Variants in MTAP observed in about 807,000 individuals in gnomAD.
The protein encoded by MTAP is S-methyl-5'-thioadenosine phosphorylase.
Under a neutral mutation model 33.6 loss-of-function variants are expected in MTAP, and 33 were observed. The ratio of observed to expected loss-of-function variants is 0.98; its 90% CI spans 0.74 to 1.31. MTAP has a LOEUF of 1.31. Among genes scored for constraint, MTAP ranks in the 40% most tolerant of loss-of-function variants. The pLI, the probability that MTAP is intolerant of heterozygous loss-of-function variation, is 0.00. For synonymous variants in MTAP, 148 were observed against 125.7 expected, an observed-to-expected ratio of 1.18 and a Z score of -1.19; for missense variants, 367 against 360.0, an observed-to-expected ratio of 1.02 and a Z score of -0.16.
chr9:21,849,067 A>T (rs62556497), intron 5 of MTAP, among the ~76,000 whole-genome samples: 38,419 of 149,084 alleles, frequency 0.26, 5,266 homozygotes, highest in East Asian at 0.42. Flanking sequence ...GGTCAAATGG[A>T]CAAAAAACTA....
At chr9:21,854,515 T>G in intron 5 of MTAP, 116 bp from the exon 6 acceptor site, 1 of 1,384,266 alleles carries the variant, frequency 7.2e-7, no homozygotes. Flanking sequence ...TAGTAGGCAT[T>G]TATTATAGTG....
At chr9:21,878,893 A>G (rs1043828080) in intron 1 of MTAP, among the ~76,000 whole-genome samples, 11 of 152,152 alleles carry the variant, frequency 7.2e-5, no homozygotes, top group Non-Finnish European at 1.5e-4. Context: ...CTTGACTTAT[A>G]TTTTTATTGC....
intron 1 of MTAP, among the ~76,000 whole-genome samples, chr9:21,913,964 G>A (rs1818630479): frequency 6.6e-6 from 1 of 152,074 alleles, no homozygotes; most frequent in Non-Finnish European, 1.5e-5. Flanking sequence ...TCAAAAAGTG[G>A]GCAAAGGATA....
chr9:21,878,986 A>G (rs768626360), intron 1 of MTAP, among the ~76,000 whole-genome samples: 1 of 152,174 alleles, frequency 6.6e-6, no homozygotes, highest in Non-Finnish European at 1.5e-5. Context: ...TATGTGGTCA[A>G]TTTTAGAGTA....
chr9:21,865,870 A>G lies in MTAP; in HGVS notation c.*3856A>G, dbSNP rs534675057. Reference sequence around the variant, plus strand: ...TTTTATTGCCTAGTAGTATTCTGTCATATGCCTATCTTACAATTTGATTAT... The same window carrying G: ...TTTTATTGCCTAGTAGTATTCTGTCGTATGCCTATCTTACAATTTGATTAT... On this transcript the variant is annotated 3_prime_UTR_variant, in exon 8 of 8. Transcript: ENST00000644715. 5 of 797,942 alleles carry G rather than the reference A, an allele frequency of 6.3e-6. No individual in the cohort carries two copies. Among genetic ancestry groups the G allele is most frequent in the East Asian group, 1.3e-4 (1 of 7,918 alleles). The allele number at this position is 797,942 out of a possible 1,614,324, so 49.4% of individuals were successfully genotyped here.
chr9:21,897,615 T>A (rs1818318007), intron 1 of MTAP, among the ~76,000 whole-genome samples: 1 of 152,168 alleles, frequency 6.6e-6, no homozygotes, highest in African/African-American at 2.4e-5. Context: ...AAATCATGAG[T>A]GAACTCCCAT....
chr9:21,851,842 C>G (rs1211423553), intron 5 of MTAP, among the ~76,000 whole-genome samples: 2 of 152,102 alleles, frequency 1.3e-5, no homozygotes, highest in South Asian at 4.1e-4. Context: ...GCCTAGTCCC[C>G]CAGTCTACAT....
downstream of MTAP, among the ~76,000 whole-genome samples, chr9:21,870,066 A>G (rs1329639871): frequency 6.6e-6 from 1 of 152,010 alleles, no homozygotes; most frequent in African/African-American, 2.4e-5. Context: ...TGTTCCTTCT[A>G]CCTGGAACAC....
intron 1 of MTAP, among the ~76,000 whole-genome samples, chr9:21,814,997 ATTT>A (rs1824441095): frequency 6.6e-6 from 1 of 152,224 alleles, no homozygotes; most frequent in Admixed American, 6.5e-5. Flanking sequence ...AATACCTAAT[ATTT>A]TATATCCCAG....
intron 5 of MTAP, among the ~76,000 whole-genome samples, chr9:21,841,279 G>T (rs1825236535): frequency 6.6e-6 from 1 of 152,198 alleles, no homozygotes; most frequent in African/African-American, 2.4e-5. Context: ...TCTGCAGCTG[G>T]TGCTCTCTTG....
chr9:21,868,772 A>T (rs1453825369), downstream of MTAP, among the ~76,000 whole-genome samples: 1 of 151,960 alleles, frequency 6.6e-6, no homozygotes, highest in Admixed American at 6.6e-5. Context: ...TCTCTCCCAA[A>T]CTGTTTTCCC....
chr9:21,870,641 TTAATA>T (rs761515142), downstream of MTAP, among the ~76,000 whole-genome samples: 4 of 152,004 alleles, frequency 2.6e-5, no homozygotes, highest in South Asian at 2.1e-4. Context: ...ATAATATATT[TTAATA>T]TAATATATCC....
downstream of MTAP, chr9:21,933,758 T>C (rs1436724831): frequency 6.6e-6 from 1 of 152,232 alleles, no homozygotes; most frequent in Non-Finnish European, 1.5e-5. Context: ...AAATGAAAAC[T>C]GTGAAATCTG....
chr9:21,916,018 C>A (rs76642941), intron 1 of MTAP, among the ~76,000 whole-genome samples: 3,273 of 129,486 alleles, frequency 0.025, 130 homozygotes, highest in African/African-American at 0.086. Flanking sequence ...TGACAAGGCA[C>A]GACTGTGTTT....
chr9:21,888,666 G>A (rs1563860317), intron 1 of MTAP, among the ~76,000 whole-genome samples: 1 of 151,978 alleles, frequency 6.6e-6, no homozygotes, highest in Non-Finnish European at 1.5e-5. Context: ...CCATTTGCAT[G>A]GAATATCTTT....
In MTAP at chr9:21,815,302, C is replaced by A. The variant is rs967211598; in HGVS notation, c.34-131C>A. 5 of 587,920 alleles carry A rather than the reference C, an allele frequency of 8.5e-6. No homozygotes were observed. The African/African-American group carries it at 9.8e-5, about 12-fold the overall frequency. The allele number at this position is 587,920 out of a possible 1,614,324, so 36.4% of individuals were successfully genotyped here. On this transcript the variant is annotated intron_variant, in intron 1 of 7. Transcript: ENST00000644715. ...TTGTTGATTGATGTTCAGTAATTTT[C>A]AGATTTCAAAAAAATAACTAGGGCT...
downstream of MTAP, among the ~76,000 whole-genome samples, chr9:21,868,876 A>G (rs1035727135): frequency 5.3e-5 from 8 of 152,150 alleles, no homozygotes; most frequent in Non-Finnish European, 1.2e-4. Flanking sequence ...GCACCACCCC[A>G]GAGTTTCCGA....
At chr9:21,813,909 A>G (rs1031953210) in intron 1 of MTAP, 2 of 152,206 alleles carry the variant, frequency 1.3e-5, no homozygotes, top group African/African-American at 4.8e-5. Flanking sequence ...GTTATTTTCT[A>G]TTGAAGTGCC....
At chr9:21,926,290 G>A (rs767406850) in intron 1 of MTAP, among the ~76,000 whole-genome samples, 6 of 152,132 alleles carry the variant, frequency 3.9e-5, no homozygotes, top group Non-Finnish European at 8.8e-5. Flanking sequence ...CTAAAACATG[G>A]ATTATTAATA....
Sources: gnomAD v4.1 joint callset for allele counts (sites outside exome capture counted in the v4.1 genomes callset) on GRCh38, gnomAD v4.1.1 for gene constraint, MANE v1.5 for transcripts, NCBI Gene and HGNC (gene_info 2026-07-23, HGNC 2026-07-21) for gene names.